Variants in LGR4 observed in about 807,000 individuals in gnomAD.
LGR4 encodes the protein leucine-rich repeat-containing G protein-coupled receptor 4.
LGR4 carries 44 observed loss-of-function variants against 84.8 expected under a neutral mutation model. The ratio of observed to expected loss-of-function variants is 0.52; its 90% CI spans 0.41 to 0.67. LGR4 has a LOEUF of 0.67. LGR4 is among the 30% of genes least tolerant of loss of function. LGR4 has a pLI of 0.00. For synonymous variants in LGR4, 429 were observed against 434.3 expected (o/e 0.99, Z 0.15); for missense variants, 1,032 against 1,131.4 (o/e 0.91, Z 1.26).
chr11:27,438,753 C>T (rs762679390), intron 1 of LGR4, among the ~76,000 whole-genome samples: 7 of 152,058 alleles, frequency 4.6e-5, no homozygotes, highest in Non-Finnish European at 8.8e-5. Flanking sequence ...AGACTTTGGC[C>T]TTCTGACTCA....
chr11:27,409,989 C>G (rs1863680222), intron 2 of LGR4, among the ~76,000 whole-genome samples: 1 of 152,130 alleles, frequency 6.6e-6, no homozygotes, highest in Non-Finnish European at 1.5e-5. Flanking sequence ...GAACTTTCTG[C>G]AATGATGGAA....
chr11:27,397,334 A>C (rs1294878218), intron 2 of LGR4, among the ~76,000 whole-genome samples: 1 of 152,132 alleles, frequency 6.6e-6, no homozygotes, highest in African/African-American at 2.4e-5. Flanking sequence ...CATTGGGTGC[A>C]TCTTATTCTG....
chr11:27,380,531 G>T, intron 9 of LGR4, 109 bp downstream of exon 9: 1 of 868,018 alleles, frequency 1.2e-6, no homozygotes, highest in Non-Finnish European at 1.8e-6. Flanking sequence ...GCCCAAGGGA[G>T]AAAAAAATTT....
At chr11:27,380,153 A>G in intron 10 of LGR4, 118 bp downstream of exon 10, 1 of 622,350 alleles carries the variant, frequency 1.6e-6, no homozygotes, top group Middle Eastern at 2.7e-4. Context: ...TGATATATAC[A>G]AAGGGAAACC....
chr11:27,382,260 G>A lies in LGR4; in HGVS notation c.690-4C>T. ...CAAGTTATTATAATTCAAGTCTCTA[G>A]AAAAAAATGGGTGAAAATATATCAA... is the stretch of plus-strand genomic sequence containing the variant. On this transcript the variant is annotated splice_region_variant and splice_polypyrimidine_tract_variant and intron_variant, in intron 6 of 17. Transcript: ENST00000379214. The A allele has an allele frequency of 6.3e-7, 1 of 1,580,480 alleles. No individual in the cohort carries two copies. The highest frequency in any genetic ancestry group is 1.1e-5 in the South Asian group (1 of 89,764).
intron 1 of LGR4, 132 bp from the exon 2 acceptor site, chr11:27,412,992 T>C: frequency 1.5e-6 from 1 of 645,446 alleles, no homozygotes; most frequent in Non-Finnish European, 2.7e-6. Context: ...CAGTCACAAT[T>C]TGGCTTCAGA....
chr11:27,423,255 T>C (rs1863955489), intron 1 of LGR4, among the ~76,000 whole-genome samples: 1 of 152,232 alleles, frequency 6.6e-6, no homozygotes, highest in Admixed American at 6.5e-5. Flanking sequence ...GACCTCATTA[T>C]GTTGAGGCAA....
intron 1 of LGR4, among the ~76,000 whole-genome samples, chr11:27,430,482 T>C (rs1319052753): frequency 1.3e-5 from 2 of 152,194 alleles, no homozygotes; most frequent in Non-Finnish European, 2.9e-5. Context: ...TTTTCTAAAA[T>C]GTTATCTGTG....
intron 1 of LGR4, among the ~76,000 whole-genome samples, chr11:27,465,945 G>A (rs868670198): frequency 2.6e-5 from 4 of 152,026 alleles, no homozygotes; most frequent in Non-Finnish European, 5.9e-5. Context: ...ACACTTCACC[G>A]AACAAAGTTG....
chr11:27,434,315 T>C (rs1217224030), intron 1 of LGR4, among the ~76,000 whole-genome samples: 3 of 152,182 alleles, frequency 2.0e-5, no homozygotes, highest in Non-Finnish European at 4.4e-5. Context: ...TCTCCATTGC[T>C]CTAGATGCAT....
intron 1 of LGR4, among the ~76,000 whole-genome samples, chr11:27,444,275 C>A (rs888572053): frequency 6.6e-6 from 1 of 151,930 alleles, no homozygotes; most frequent in Non-Finnish European, 1.5e-5. Context: ...GAGAAGGAGG[C>A]GGGAAAGTTA....
intron 1 of LGR4, among the ~76,000 whole-genome samples, chr11:27,431,121 T>C (rs1299159032): frequency 6.6e-6 from 1 of 152,160 alleles, no homozygotes; most frequent in Non-Finnish European, 1.5e-5. Flanking sequence ...CTAGTTATCA[T>C]TGGATTTATC....
intron 10 of LGR4, 98 bp from the exon 11 acceptor site, chr11:27,378,866 G>T: frequency 2.5e-6 from 2 of 800,086 alleles, no homozygotes; most frequent in Non-Finnish European, 4.2e-6. Flanking sequence ...TTTACATATG[G>T]ACTAGATTCT....
chr11:27,468,536 C>T (rs534103222), intron 1 of LGR4, among the ~76,000 whole-genome samples: 1 of 152,248 alleles, frequency 6.6e-6, no homozygotes, highest in South Asian at 2.1e-4. Context: ...TATTCTGCTA[C>T]TCCTGGGATA....
At chr11:27,464,907 A>G (rs889981596) in intron 1 of LGR4, among the ~76,000 whole-genome samples, 5 of 152,140 alleles carry the variant, frequency 3.3e-5, no homozygotes, top group Non-Finnish European at 7.4e-5. Flanking sequence ...AAAAACCTGC[A>G]TTCTCCTAGT....
intron 1 of LGR4, among the ~76,000 whole-genome samples, chr11:27,447,306 A>G (rs1474389691): frequency 6.6e-6 from 1 of 152,186 alleles, no homozygotes; most frequent in Non-Finnish European, 1.5e-5. Flanking sequence ...GATGCAATAA[A>G]GAAGCTGGCC....
intron 4 of LGR4, among the ~76,000 whole-genome samples, chr11:27,386,953 C>T (rs906733261): frequency 7.9e-5 from 12 of 152,188 alleles, no homozygotes; most frequent in Middle Eastern, 3.4e-3. Context: ...GGCTACAGAG[C>T]GGCAAAGTAC....
chr11:27,412,039 C>T (rs150442316), intron 2 of LGR4, among the ~76,000 whole-genome samples: 126 of 152,168 alleles, frequency 8.3e-4, no homozygotes, highest in African/African-American at 2.9e-3. Flanking sequence ...CCTATATTAA[C>T]TTAATTCAAG....
intron 4 of LGR4, among the ~76,000 whole-genome samples, chr11:27,386,095 CA>C (rs1863182552): frequency 6.6e-6 from 1 of 152,004 alleles, no homozygotes; most frequent in Non-Finnish European, 1.5e-5. Flanking sequence ...ATCAGTATAC[CA>C]AAATTAACAG....
Sources: allele counts gnomAD v4.1 joint callset (sites outside exome capture counted in the v4.1 genomes callset), GRCh38; gene constraint gnomAD v4.1.1; transcripts MANE v1.5; gene names NCBI Gene and HGNC (gene_info 2026-07-23, HGNC 2026-07-21).